TMEM217: variants seen among roughly 807,000 people sequenced by gnomAD.
TMEM217 encodes chromosome 6 open reading frame 128.
For missense variants in TMEM217, 204 were observed against 248.8 expected (o/e 0.82, Z 1.21); for synonymous variants, 76 against 88.3 (o/e 0.86, Z 0.78).
intron 1 of TMEM217, among the ~76,000 whole-genome samples, chr6:37,245,458 G>A (rs973022596): frequency 3.9e-5 from 6 of 152,202 alleles, no homozygotes. Flanking sequence ...CTCCCGATTC[G>A]AAGTCTAGAG....
chr6:37,238,440 C>T (rs1273561463), intron 1 of TMEM217, among the ~76,000 whole-genome samples: 2 of 152,120 alleles, frequency 1.3e-5, no homozygotes, highest in Non-Finnish European at 2.9e-5. Context: ...TCTTTGCTAC[C>T]AGAAGTCTGC....
rs372385535 is a variant in TMEM217, at chr6:37,229,335, G to GT, written c.-11-10295dup. On this transcript the variant is annotated intron_variant, in intron 1 of 1. Transcript: ENST00000357219. ...TGACTCGTCTCCCTAGCAACTTTCAGTTTTTTTTTTTTTTTTTTTTTTTTT... is the reference window on the plus strand; with the variant it reads ...TGACTCGTCTCCCTAGCAACTTTCAGTTTTTTTTTTTTTTTTTTTTTTTTTT... Among the ~76,000 whole-genome samples the GT allele has an allele frequency of 4.4e-3, 326 of 74,340 alleles. 54 individuals are homozygous for GT. Among genetic ancestry groups the GT allele is most frequent in the East Asian group, 0.02 (44 of 2,166 alleles). The allele number at this position is 74,340 out of a possible 152,430, so 48.8% of individuals were successfully genotyped here.
At chr6:37,219,777 G>A (rs1040265650) in intron 1 of TMEM217, among the ~76,000 whole-genome samples, 10 of 152,074 alleles carry the variant, frequency 6.6e-5, no homozygotes, top group African/African-American at 2.4e-4. Flanking sequence ...ATTGCCTTGG[G>A]CTTCCATTGC....
intron 1 of TMEM217, among the ~76,000 whole-genome samples, chr6:37,257,001 T>G (rs763023382): frequency 1.3e-5 from 2 of 152,222 alleles, no homozygotes; most frequent in Non-Finnish European, 2.9e-5. Context: ...CAAGGGAAAT[T>G]AAGGATGTTG....
At chr6:37,214,607 G>A (rs150433168), downstream of TMEM217, among the ~76,000 whole-genome samples, 7 of 152,006 alleles carry the variant, frequency 4.6e-5, no homozygotes, top group East Asian at 1.9e-4. Flanking sequence ...CTCTTCCCCC[G>A]CTCCCTACTA....
chr6:37,249,937 T>C (rs917725283), intron 1 of TMEM217, among the ~76,000 whole-genome samples: 1 of 152,240 alleles, frequency 6.6e-6, no homozygotes, highest in Non-Finnish European at 1.5e-5. Flanking sequence ...TGTTCACTTA[T>C]GCAGAAGACA....
chr6:37,219,140 A>G (rs1010162641), intron 1 of TMEM217, 99 bp from the exon 2 acceptor site: 8 of 1,058,028 alleles, frequency 7.6e-6, no homozygotes, highest in Non-Finnish European at 9.6e-6. Flanking sequence ...TTGGAGAAAT[A>G]TAGACAGAAA....
At chr6:37,223,601 C>T (rs1003848444) in intron 1 of TMEM217, among the ~76,000 whole-genome samples, 2 of 152,108 alleles carry the variant, frequency 1.3e-5, no homozygotes, top group African/African-American at 2.4e-5. Context: ...CTCTGCCTCC[C>T]GGGTTCAAGC....
downstream of TMEM217, among the ~76,000 whole-genome samples, chr6:37,215,892 G>C (rs540916034): frequency 1.2e-4 from 19 of 152,248 alleles, no homozygotes; most frequent in African/African-American, 4.1e-4. Context: ...CTTGAGCAGA[G>C]GGGAAGGCTG....
At chr6:37,213,055 T>A, downstream of TMEM217, 1 of 1,119,204 alleles carries the variant, frequency 8.9e-7, no homozygotes. Context: ...CTTAGACAAA[T>A]CCCCCAAGTC....
Position 37,248,014 on chromosome 6 carries a change from C to T in TMEM217, c.-12+9554G>A, listed in dbSNP as rs537558398. Among the ~76,000 whole-genome samples, 20 of 152,290 alleles carry T rather than the reference C, an allele frequency of 1.3e-4. No individual in the cohort carries two copies. The South Asian group carries it at 3.5e-3, about 27-fold the overall frequency. On this transcript the variant is annotated intron_variant, in intron 1 of 1. Coordinates refer to ENST00000357219, the Ensembl canonical transcript of TMEM217. ...CTCATATGTAATTTCTCCTTGTAGA[C>T]ATCCATAGTTCCATGTAGGTCTCAT...
At chr6:37,234,505 G>A (rs1764382639) in intron 1 of TMEM217, among the ~76,000 whole-genome samples, 1 of 152,136 alleles carries the variant, frequency 6.6e-6, no homozygotes, top group Non-Finnish European at 1.5e-5. Flanking sequence ...TTGTAATCTT[G>A]ATATAGCCAC....
chr6:37,221,343 C>T (rs909034321), intron 1 of TMEM217, among the ~76,000 whole-genome samples: 2 of 152,144 alleles, frequency 1.3e-5, no homozygotes, highest in African/African-American at 4.8e-5. Context: ...TGCACCACCA[C>T]ACCTGGCTAA....
At chr6:37,223,508 C>G (rs755511422) in intron 1 of TMEM217, among the ~76,000 whole-genome samples, 9 of 152,166 alleles carry the variant, frequency 5.9e-5, no homozygotes, top group Non-Finnish European at 7.3e-5. Flanking sequence ...ATACTCAACT[C>G]AAATATTTTT....
intron 1 of TMEM217, among the ~76,000 whole-genome samples, chr6:37,223,116 AAGG>A (rs1036234474): frequency 4.1e-4 from 63 of 152,342 alleles, no homozygotes; most frequent in African/African-American, 1.3e-3. Flanking sequence ...GGAAAATATG[AAGG>A]AGAAGTTAAG....
chr6:37,218,628 G>C (rs1375184758), exon 2 of TMEM217: 6 of 1,614,152 alleles, frequency 3.7e-6, no homozygotes, highest in African/African-American at 2.7e-5. Flanking sequence ...ATGACTGTAC[G>C]AGACACCAAG....
intron 1 of TMEM217, among the ~76,000 whole-genome samples, chr6:37,222,743 A>C (rs1236557127): frequency 2.6e-5 from 4 of 152,212 alleles, no homozygotes; most frequent in Non-Finnish European, 4.4e-5. Context: ...TGCTCCGTAG[A>C]GCCGGAGGTG....
chr6:37,226,121 T>C (rs1013035403), intron 1 of TMEM217, among the ~76,000 whole-genome samples: 11 of 152,132 alleles, frequency 7.2e-5, no homozygotes, highest in Non-Finnish European at 1.3e-4. Context: ...TTGACTTTGC[T>C]CTTTTGAAGA....
chr6:37,249,707 A>G (rs1038783528), intron 1 of TMEM217, among the ~76,000 whole-genome samples: 1 of 152,190 alleles, frequency 6.6e-6, no homozygotes, highest in Non-Finnish European at 1.5e-5. Context: ...TTCCCTTAGG[A>G]TCTGACTTTG....
Sources: allele counts gnomAD v4.1 joint callset (sites outside exome capture counted in the v4.1 genomes callset), GRCh38; gene constraint gnomAD v4.1.1; transcripts MANE v1.5; gene names NCBI Gene and HGNC (gene_info 2026-07-23, HGNC 2026-07-21).